Variants in ELMO1 observed in about 807,000 individuals in gnomAD.
ELMO1 encodes engulfment and cell motility protein 1.
ELMO1 carries 26 observed loss-of-function variants against 98.9 expected under a neutral mutation model. The ratio of observed to expected loss-of-function variants is 0.26; its 90% CI spans 0.19 to 0.36. ELMO1 has a LOEUF of 0.36. Among genes scored for constraint, ELMO1 ranks in the 10% least tolerant of loss-of-function variants. The probability of loss-of-function intolerance (pLI) is 1.00; values close to 1 mark genes in which losing one functional copy is unlikely to be tolerated. For missense variants in ELMO1, 627 were observed against 935.2 expected (o/e 0.67, Z 4.30); for synonymous variants, 346 against 346.0 (o/e 1.00, Z 0.00).
chr7:37,238,498 G>T (rs1161903697), intron 7 of ELMO1, among the ~76,000 whole-genome samples: 1 of 152,084 alleles, frequency 6.6e-6, no homozygotes, highest in East Asian at 1.9e-4. Context: ...TGTTTTCTAT[G>T]AATAGAGGTA....
At chr7:37,071,285 T>C (rs1797254718) in intron 15 of ELMO1, among the ~76,000 whole-genome samples, 2 of 152,150 alleles carry the variant, frequency 1.3e-5, no homozygotes, top group East Asian at 3.8e-4. Flanking sequence ...GGGTTCCATT[T>C]ACATGAATAG....
At chr7:37,187,582 G>A (rs1006050702) in intron 13 of ELMO1, among the ~76,000 whole-genome samples, 2 of 152,030 alleles carry the variant, frequency 1.3e-5, no homozygotes, top group Non-Finnish European at 2.9e-5. Flanking sequence ...TTAGTGTACA[G>A]CATTTAATAA....
intron 1 of ELMO1, among the ~76,000 whole-genome samples, chr7:37,369,772 T>G (rs564296938): frequency 6.6e-5 from 10 of 151,768 alleles, no homozygotes; most frequent in South Asian, 2.1e-4. Flanking sequence ...AAAAAAATTT[T>G]AATAAAAAAA....
intron 1 of ELMO1, among the ~76,000 whole-genome samples, chr7:37,428,091 G>A (rs908924518): frequency 6.6e-6 from 1 of 151,982 alleles, no homozygotes; most frequent in Non-Finnish European, 1.5e-5. Context: ...GAGGGGAACA[G>A]AGACAGCTGG....
chr7:37,358,025 G>T (rs933327255), intron 1 of ELMO1, among the ~76,000 whole-genome samples: 3 of 152,204 alleles, frequency 2.0e-5, no homozygotes, highest in Non-Finnish European at 4.4e-5. Context: ...TAGGGTTGCT[G>T]ATCTGCTCAC....
chr7:37,191,751 CTG>C (rs1445986714), intron 13 of ELMO1, among the ~76,000 whole-genome samples: 2 of 152,118 alleles, frequency 1.3e-5, no homozygotes, highest in Non-Finnish European at 2.9e-5. Context: ...AAACCCGTCT[CTG>C]CTAAAAATAC....
chr7:37,405,910 T>C (rs769018324), intron 1 of ELMO1, among the ~76,000 whole-genome samples: 1 of 152,138 alleles, frequency 6.6e-6, no homozygotes, highest in Non-Finnish European at 1.5e-5. Flanking sequence ...AGAGCATGGG[T>C]CAGAATTCAC....
chr7:36,957,228 T>C (rs527511634), intron 16 of ELMO1, among the ~76,000 whole-genome samples: 1 of 152,334 alleles, frequency 6.6e-6, no homozygotes, highest in South Asian at 2.1e-4. Flanking sequence ...AATGAACAAA[T>C]GAAGGAGTAT....
At chr7:37,002,413 C>T (rs1792742278) in intron 16 of ELMO1, among the ~76,000 whole-genome samples, 1 of 152,186 alleles carries the variant, frequency 6.6e-6, no homozygotes. Context: ...CTGTGACCAG[C>T]CATTCAATCT....
chr7:37,192,970 GATATATATATATAT>G (rs374892700), intron 13 of ELMO1, among the ~76,000 whole-genome samples: 5 of 40,098 alleles, frequency 1.2e-4, no homozygotes, highest in Admixed American at 3.9e-4. Context: ...ATATATAGGA[GATATATATATATAT>G]ATATATATAT....
intron 16 of ELMO1, among the ~76,000 whole-genome samples, chr7:36,974,653 G>A (rs979090676): frequency 6.6e-6 from 1 of 152,166 alleles, no homozygotes; most frequent in East Asian, 1.9e-4. Context: ...GGTGGGGCCA[G>A]ATAAGAGAAT....
chr7:37,425,273 G>C (rs992433106), intron 1 of ELMO1, among the ~76,000 whole-genome samples: 1 of 152,178 alleles, frequency 6.6e-6, no homozygotes, highest in Non-Finnish European at 1.5e-5. Context: ...GTGGCAGAAA[G>C]AGCAGCAGAG....
chr7:37,206,288 TA>T (rs1178504168), intron 13 of ELMO1, among the ~76,000 whole-genome samples: 2 of 152,096 alleles, frequency 1.3e-5, no homozygotes, highest in African/African-American at 4.8e-5. Context: ...TTTTAAAGAA[TA>T]AAAAACAGAA....
chr7:37,204,923 A>C (rs1354282663), intron 13 of ELMO1, among the ~76,000 whole-genome samples: 1 of 152,114 alleles, frequency 6.6e-6, no homozygotes, highest in Non-Finnish European at 1.5e-5. Context: ...TAGGCAGAAA[A>C]GTTCTCCAAG....
At position 37,333,116 on chromosome 7, in the gene ELMO1, A is replaced by G. The variant is rs773340681; in HGVS notation, c.78+9497T>C. Among the ~76,000 whole-genome samples the G allele has an allele frequency of 2.6e-5, 4 of 152,156 alleles. No individual in the cohort carries two copies. The East Asian group carries it at 7.7e-4, about 29-fold the overall frequency. On this transcript the variant is annotated intron_variant, in intron 2 of 21. Coordinates refer to ENST00000310758, the MANE Select transcript of ELMO1 (RefSeq NM_014800.11). ...GGAACAAGAAACTAGAAAAGCACAT[A>G]TTTTATTTGCTAGAGGCTGCTCTCA...
rs1323752271 is a variant in ELMO1, at chr7:36,870,930, TGA to T, written c.1823-457_1823-456del. Reference sequence around the variant, plus strand: ...ACAGCATTTGCATCTATTTAGTTTCTGAGTTTTTGGATGAGAGAAAGCAGCCC... The same window carrying T: ...ACAGCATTTGCATCTATTTAGTTTCTGTTTTTGGATGAGAGAAAGCAGCCC... On this transcript the variant is annotated intron_variant, in intron 19 of 21. Transcript: ENST00000310758. This position sits in a 1 kb window ranked among gnomAD's most constrained non-coding sequence, Gnocchi z 4.4. Among the ~76,000 whole-genome samples the T allele has an allele frequency of 4.4e-4, 67 of 152,250 alleles. No individual in the cohort carries two copies. The highest frequency in any genetic ancestry group is 8.8e-5 in the Non-Finnish European group (6 of 68,042).
chr7:37,162,428 T>C (rs1160951323), intron 13 of ELMO1, among the ~76,000 whole-genome samples: 1 of 152,174 alleles, frequency 6.6e-6, no homozygotes, highest in Non-Finnish European at 1.5e-5. Context: ...CATTTGCTAA[T>C]CACATCCGAG....
chr7:36,929,416 A>G (rs1451258377), intron 16 of ELMO1, among the ~76,000 whole-genome samples: 6 of 152,232 alleles, frequency 3.9e-5, no homozygotes. Context: ...AAGGCATTAG[A>G]TATGATGGAA....
intron 13 of ELMO1, among the ~76,000 whole-genome samples, chr7:37,205,719 A>T (rs975755363): frequency 6.6e-6 from 1 of 152,118 alleles, no homozygotes; most frequent in Non-Finnish European, 1.5e-5. Flanking sequence ...TTCAGCTGGA[A>T]CATCTGAGTT....
Sources: gnomAD v4.1 joint callset for allele counts (sites outside exome capture counted in the v4.1 genomes callset) on GRCh38, gnomAD v4.1.1 for gene constraint, Gnocchi (gnomAD v3.1) non-coding constraint, MANE v1.5 for transcripts, NCBI Gene and HGNC (gene_info 2026-07-23, HGNC 2026-07-21) for gene names.